Variants in PARD3B observed in about 807,000 individuals in gnomAD.
The protein encoded by PARD3B is partitioning defective 3 homolog B.
PARD3B carries 103 observed loss-of-function variants against 130.2 expected under a neutral mutation model. The ratio of observed to expected loss-of-function variants is 0.79; its 90% CI spans 0.67 to 0.93. The LOEUF is 0.93. Ranked by LOEUF, PARD3B falls within the 40% of genes least tolerant of loss-of-function variation. PARD3B has a pLI of 0.00. For missense variants in PARD3B, 1,609 were observed against 1,499.2 expected (o/e 1.07, Z -1.21); for synonymous variants, 583 against 553.2 (o/e 1.05, Z -0.76).
chr2:204,751,627 A>C (rs1174582752), intron 2 of PARD3B, among the ~76,000 whole-genome samples: 4 of 152,192 alleles, frequency 2.6e-5, no homozygotes, highest in Admixed American at 1.3e-4. Context: ...TTTCCAGTAC[A>C]TCTGTCTTAT....
chr2:204,910,056 C>T (rs1365909990), intron 2 of PARD3B, among the ~76,000 whole-genome samples: 2 of 151,892 alleles, frequency 1.3e-5, no homozygotes, highest in African/African-American at 4.8e-5. Flanking sequence ...ATTGGTGGAC[C>T]TCCAATATTG....
intron 20 of PARD3B, among the ~76,000 whole-genome samples, chr2:205,466,361 T>A (rs1210147606): frequency 6.6e-6 from 1 of 152,242 alleles, no homozygotes; most frequent in Admixed American, 6.5e-5. Flanking sequence ...TAGCCCTGTT[T>A]CCTGGAAGAG....
chr2:204,856,253 TG>T (rs2044932698), intron 2 of PARD3B, among the ~76,000 whole-genome samples: 1 of 152,140 alleles, frequency 6.6e-6, no homozygotes, highest in Non-Finnish European at 1.5e-5. Flanking sequence ...AGGCAGGAGG[TG>T]ATATCTCATT....
chr2:204,559,469 C>A (rs1241119566), intron 1 of PARD3B, among the ~76,000 whole-genome samples: 1 of 152,126 alleles, frequency 6.6e-6, no homozygotes, highest in Non-Finnish European at 1.5e-5. Context: ...CAGAGAAATG[C>A]AAATTAAAAC....
intron 2 of PARD3B, among the ~76,000 whole-genome samples, chr2:204,895,045 G>A (rs1455337476): frequency 8.0e-6 from 1 of 125,696 alleles, no homozygotes; most frequent in East Asian, 2.3e-4. Context: ...GAATTAAGGA[G>A]AAAGACCTAC....
intron 14 of PARD3B, among the ~76,000 whole-genome samples, chr2:205,190,261 C>T (rs534533774): frequency 5.3e-5 from 8 of 152,262 alleles, no homozygotes; most frequent in Admixed American, 4.6e-4. Context: ...TAAACTAAGA[C>T]AATGAGTCAG....
chr2:204,680,876 G>C (rs548739187), intron 1 of PARD3B, among the ~76,000 whole-genome samples: 2 of 152,060 alleles, frequency 1.3e-5, no homozygotes, highest in Non-Finnish European at 2.9e-5. Context: ...TTTGGTACAC[G>C]TTCCATGTAC....
intron 2 of PARD3B, among the ~76,000 whole-genome samples, chr2:204,771,780 T>C (rs892135406): frequency 1.3e-5 from 2 of 152,254 alleles, no homozygotes; most frequent in East Asian, 3.9e-4. Context: ...ACTTTGTTGC[T>C]TTTTTATATC....
chr2:204,696,278 G>A (rs1381172269), intron 2 of PARD3B, among the ~76,000 whole-genome samples: 2 of 151,764 alleles, frequency 1.3e-5, no homozygotes, highest in African/African-American at 2.4e-5. Context: ...AGAAAAAAAC[G>A]GAAACAAAAA....
At chr2:205,257,240 C>G (rs1028984909) in intron 16 of PARD3B, among the ~76,000 whole-genome samples, 8 of 152,024 alleles carry the variant, frequency 5.3e-5, no homozygotes, top group African/African-American at 1.9e-4. Flanking sequence ...CATACCCCTA[C>G]GAAACAGCTT....
intron 2 of PARD3B, among the ~76,000 whole-genome samples, chr2:204,953,422 GAGAGAGAGAGA>G (rs1559294769): frequency 0.014 from 218 of 15,838 alleles, 2 homozygotes; most frequent in African/African-American, 0.095. Flanking sequence ...CACACACACA[GAGAGAGAGAGA>G]GAGAGAGAGA....
intron 3 of PARD3B, among the ~76,000 whole-genome samples, chr2:204,969,212 T>G (rs1401659910): frequency 6.6e-6 from 1 of 152,206 alleles, no homozygotes; most frequent in Non-Finnish European, 1.5e-5. Context: ...ATTTTCCAAG[T>G]CTTCTCTGTG....
rs1206607340 is a variant in PARD3B at position 205,077,087 on chromosome 2, T to C, written c.505-27339T>C. ...TCCGGTCCACCAATCACACATCGTT[T>C]GCTTCATTATCTTTGTCTATATATA... On this transcript the variant is annotated intron_variant, in intron 4 of 22. Coordinates refer to ENST00000406610, the MANE Select transcript of PARD3B (RefSeq NM_001302769.2). Among the ~76,000 whole-genome samples, 5 of 152,262 alleles carry C rather than the reference T, an allele frequency of 3.3e-5. No homozygotes were observed. In the East Asian group the frequency reaches 9.7e-4, roughly 29 times the overall value.
At chr2:205,587,049 G>C (rs551874317) in intron 22 of PARD3B, among the ~76,000 whole-genome samples, 82 of 152,296 alleles carry the variant, frequency 5.4e-4, no homozygotes, top group African/African-American at 1.9e-3. Flanking sequence ...GCCTTAACAA[G>C]TAAGCTTCAC....
chr2:205,065,081 A>C (rs1700286317), intron 4 of PARD3B, among the ~76,000 whole-genome samples: 1 of 152,180 alleles, frequency 6.6e-6, no homozygotes, highest in Non-Finnish European at 1.5e-5. Context: ...GAGTGAATAG[A>C]GGTTATAAAG....
rs1431098276 is a variant in PARD3B, at chr2:205,617,932, G to GC, written c.*2121dup. 1 of 152,280 alleles carries GC rather than the reference G, an allele frequency of 6.6e-6. No individual in the cohort carries two copies. The highest frequency in any genetic ancestry group is 2.4e-5 in the African/African-American group (1 of 41,456). The allele number at this position is 152,280 out of a possible 1,614,324, so 9.4% of individuals were successfully genotyped here. ...AGCCAGAACATTCCTTCTGGATTAA[G>GC]CCTAGGCCACTTGAGGGGCAGCCAG... On this transcript the variant is annotated 3_prime_UTR_variant, in exon 23 of 23. Coordinates refer to ENST00000406610, the MANE Select transcript of PARD3B (RefSeq NM_001302769.2).
intron 3 of PARD3B, among the ~76,000 whole-genome samples, chr2:205,037,329 G>C (rs1396891839): frequency 1.1e-5 from 1 of 88,510 alleles, no homozygotes; most frequent in African/African-American, 3.9e-5. Context: ...TGGACTATTT[G>C]TATAAAATAT....
chr2:204,547,283 TTCAGC>T (rs2030049332), intron 1 of PARD3B, among the ~76,000 whole-genome samples: 1 of 152,092 alleles, frequency 6.6e-6, no homozygotes, highest in African/African-American at 2.4e-5. Context: ...AGAAAAAAAA[TTCAGC>T]TCTGGACAGA....
intron 3 of PARD3B, among the ~76,000 whole-genome samples, chr2:205,020,321 A>C (rs998575976): frequency 2.0e-5 from 3 of 152,188 alleles, no homozygotes; most frequent in Admixed American, 6.6e-5. Context: ...ATTATCTTGT[A>C]TCATTCACAT....
Sources: allele counts gnomAD v4.1 joint callset (sites outside exome capture counted in the v4.1 genomes callset), GRCh38; gene constraint gnomAD v4.1.1; transcripts MANE v1.5; gene names NCBI Gene and HGNC (gene_info 2026-07-23, HGNC 2026-07-21).